VAV3: variants seen among roughly 807,000 people sequenced by gnomAD.
VAV3 encodes vav guanine nucleotide exchange factor 3.
In VAV3, 94 loss-of-function variants were observed where a neutral mutation model predicts 131.2. That is an observed-to-expected ratio of 0.72 (90% CI 0.61 to 0.85). The LOEUF is 0.85. VAV3 is among the 40% of genes least tolerant of loss of function. The pLI is 0.00. For synonymous variants in VAV3, 349 were observed against 342.0 expected (o/e 1.02, Z -0.22); for missense variants, 939 against 1,002.7 (o/e 0.94, Z 0.86).
At chr1:107,591,001 A>G (rs553841992) in intron 25 of VAV3, among the ~76,000 whole-genome samples, 1 of 152,280 alleles carries the variant, frequency 6.6e-6, no homozygotes, top group Non-Finnish European at 1.5e-5. Flanking sequence ...TAGTGCAAAT[A>G]TCAGAATCCA....
At chr1:107,577,380 C>T (rs1649733782) in intron 25 of VAV3, among the ~76,000 whole-genome samples, 2 of 152,334 alleles carry the variant, frequency 1.3e-5, no homozygotes, top group South Asian at 4.1e-4. Flanking sequence ...TACTATGGTG[C>T]CACTGCAATG....
intron 1 of VAV3, among the ~76,000 whole-genome samples, chr1:107,951,529 A>T (rs866405118): frequency 1.3e-5 from 2 of 152,248 alleles, no homozygotes; most frequent in Non-Finnish European, 2.9e-5. Flanking sequence ...AACAGAGTAA[A>T]GAGACAACCT....
intron 20 of VAV3, among the ~76,000 whole-genome samples, chr1:107,638,589 A>G (rs1319321752): frequency 6.6e-6 from 1 of 152,182 alleles, no homozygotes; most frequent in Non-Finnish European, 1.5e-5. Context: ...TCTTGTTAGG[A>G]TGTCAATTTT....
At chr1:107,815,794 A>T (rs1424520917) in intron 2 of VAV3, among the ~76,000 whole-genome samples, 5 of 152,044 alleles carry the variant, frequency 3.3e-5, no homozygotes, top group East Asian at 1.9e-4. Context: ...ATATGCACAA[A>T]TTTTTTTGCC....
chr1:107,836,592 T>C (rs938844136), intron 2 of VAV3, among the ~76,000 whole-genome samples: 5 of 152,044 alleles, frequency 3.3e-5, no homozygotes, highest in Non-Finnish European at 7.4e-5. Context: ...TAAATGAAAC[T>C]GAGATGCAAA....
chr1:107,791,530 T>C (rs1666287487), intron 2 of VAV3, among the ~76,000 whole-genome samples: 1 of 152,158 alleles, frequency 6.6e-6, no homozygotes, highest in African/African-American at 2.4e-5. Context: ...ACAAACATGG[T>C]TGTCAGATGG....
rs575463071 is a variant in VAV3 at position 107,741,895 on chromosome 1, T to C, written c.1502+7073A>G. Among the ~76,000 whole-genome samples, 57 of 152,284 alleles carry C rather than the reference T, an allele frequency of 3.7e-4. No individual in the cohort carries two copies. The Middle Eastern group carries it at 0.014, about 36-fold the overall frequency. ...AATGACAGGCTAGATAAAATGAGAATTGCCCATCCTGCTTGGTTCCAAAAA... is the reference window on the plus strand; with the variant it reads ...AATGACAGGCTAGATAAAATGAGAACTGCCCATCCTGCTTGGTTCCAAAAA... On this transcript the variant is annotated intron_variant, in intron 15 of 26. Transcript: ENST00000370056.
intron 12 of VAV3, 95 bp downstream of exon 12, chr1:107,755,332 A>C: frequency 1.0e-6 from 1 of 960,626 alleles, no homozygotes; most frequent in Non-Finnish European, 1.6e-6. Context: ...CAACAGTAGA[A>C]ACTTGAAGGT....
chr1:107,875,724 G>C (rs1670463757), intron 1 of VAV3, among the ~76,000 whole-genome samples: 1 of 152,210 alleles, frequency 6.6e-6, no homozygotes, highest in Non-Finnish European at 1.5e-5. Context: ...GTTTAAAAAG[G>C]TCTTTTTGGC....
At chr1:107,753,707 G>C (rs537339947) in intron 12 of VAV3, among the ~76,000 whole-genome samples, 9 of 151,250 alleles carry the variant, frequency 6.0e-5, no homozygotes, top group African/African-American at 1.9e-4. Context: ...CTACAGGCAC[G>C]TGCCACCATG....
chr1:107,653,457 C>T (rs1656318105), intron 19 of VAV3, among the ~76,000 whole-genome samples: 1 of 152,018 alleles, frequency 6.6e-6, no homozygotes, highest in African/African-American at 2.4e-5. Context: ...TTCTAACCTG[C>T]TCAGTCATTG....
At chr1:107,815,307 A>C (rs910238990) in intron 2 of VAV3, among the ~76,000 whole-genome samples, 1 of 152,200 alleles carries the variant, frequency 6.6e-6, no homozygotes, top group Non-Finnish European at 1.5e-5. Flanking sequence ...CCCCAGACTA[A>C]CTTGGGAGTT....
rs75483934 is a variant in VAV3 at position 107,768,649 on chromosome 1, T to C, written c.649-140A>G. 3,464 of 564,892 alleles carry C rather than the reference T, an allele frequency of 6.1e-3. 108 individuals carry two copies. The highest frequency in any genetic ancestry group is 0.06 in the African/African-American group (3,092 of 51,722). 35.0% of individuals were successfully genotyped at this position (564,892 alleles called of 1,614,324 possible). A position where few individuals can be genotyped will look rare whatever the true frequency, so the allele number is the denominator to read the frequency against. ...ATAAACACCAAAATTGTAGAAACTATTTTCTCTAACTTAAAGACTTTACAC... is the reference window on the plus strand; with the variant it reads ...ATAAACACCAAAATTGTAGAAACTACTTTCTCTAACTTAAAGACTTTACAC... On this transcript the variant is annotated intron_variant, in intron 6 of 26. Transcript: ENST00000370056.
At chr1:107,736,013 T>C (rs1267956694) in intron 15 of VAV3, among the ~76,000 whole-genome samples, 1 of 152,038 alleles carries the variant, frequency 6.6e-6, no homozygotes, top group Non-Finnish European at 1.5e-5. Flanking sequence ...TCCACCAAGA[T>C]CAAGTTGGCT....
intron 24 of VAV3, among the ~76,000 whole-genome samples, chr1:107,600,720 T>A (rs1007170702): frequency 7.9e-5 from 12 of 152,186 alleles, no homozygotes; most frequent in African/African-American, 2.4e-4. Flanking sequence ...TGTCTACCAA[T>A]CCAGGTCACT....
At position 107,779,464 on chromosome 1, in the gene VAV3, C is replaced by T. The variant is rs758385220; in HGVS notation, c.350G>A (p.Arg117Gln). The T allele has an allele frequency of 1.3e-5, 20 of 1,586,064 alleles. No homozygotes were observed. The East Asian group carries it at 2.5e-4, about 20-fold the overall frequency. Residue 117 changes from arginine (R) to glutamine (Q), a missense_variant, in exon 3 of 27, where the codon CGA becomes CAA. By Grantham distance (43) the Arg-to-Gln change is conservative (BLOSUM62 1). Transcript: ENST00000370056. ...KVIETLSRLS[R>Q]TPIALATGIR... ...TCCTGTGGCCAATGCTATAGGTGTT[C>T]GAGAAAGTCGTGATAATGTTTCTAT...
At position 107,755,489 on chromosome 1, in the gene VAV3, C is replaced by T; in HGVS notation, c.1111G>A (p.Val371Met). Residue 371 changes from valine to methionine, a missense_variant, in exon 12 of 27, where the codon GTG becomes ATG. Coordinates refer to ENST00000370056, the MANE Select transcript of VAV3 (RefSeq NM_006113.5). Reference protein sequence around the residue: ...MKDLAQYVNEVKRDNETLREI... With the variant: ...MKDLAQYVNEMKRDNETLREI... The stretch of plus-strand genomic sequence containing the variant: ...CGAAGGGTCTCATTATCTCTTTTCA[C>T]TTCATTCACATATTGTGCCAAGTCC... 1 of 1,613,592 alleles carries T rather than the reference C, an allele frequency of 6.2e-7. No individual in the cohort carries two copies. The highest frequency in any genetic ancestry group is 8.5e-7 in the Non-Finnish European group (1 of 1,179,632).
intron 24 of VAV3, among the ~76,000 whole-genome samples, chr1:107,597,075 T>C (rs1179887773): frequency 6.6e-6 from 1 of 152,158 alleles, no homozygotes; most frequent in Non-Finnish European, 1.5e-5. Context: ...TGAAACTGAA[T>C]AATAATTCAC....
intron 20 of VAV3, among the ~76,000 whole-genome samples, chr1:107,638,162 A>G (rs992827869): frequency 6.6e-6 from 1 of 152,148 alleles, no homozygotes; most frequent in African/African-American, 2.4e-5. Flanking sequence ...GCAAGGATAT[A>G]CTCTCTCATG....
Sources: gnomAD v4.1 joint callset for allele counts (sites outside exome capture counted in the v4.1 genomes callset) on GRCh38, gnomAD v4.1.1 for gene constraint, MANE v1.5 for transcripts, NCBI Gene and HGNC (gene_info 2026-07-23, HGNC 2026-07-21) for gene names.